SPIN1: variants seen among roughly 807,000 people sequenced by gnomAD.
SPIN1 encodes the protein spindlin-1.
A neutral mutation model predicts 26.0 loss-of-function variants in SPIN1; 3 were observed. The ratio of observed to expected loss-of-function variants is 0.12; its 90% CI spans 0.05 to 0.30. The LOEUF (loss-of-function observed/expected upper bound fraction) is 0.30. SPIN1 is among the 10% of genes least tolerant of loss of function. The pLI is 1.00. For missense variants in SPIN1, 126 were observed against 333.4 expected (o/e 0.38, Z 4.84); for synonymous variants, 101 against 116.5 (o/e 0.87, Z 0.86).
chr9:88,392,889 C>T (rs1216197039), intron 1 of SPIN1, among the ~76,000 whole-genome samples: 1 of 152,036 alleles, frequency 6.6e-6, no homozygotes, highest in Non-Finnish European at 1.5e-5. Context: ...TTGGGGGCCA[C>T]CTTTTAAATT....
intron 3 of SPIN1, among the ~76,000 whole-genome samples, chr9:88,460,353 A>G (rs1341971264): frequency 1.1e-4 from 16 of 151,930 alleles, no homozygotes; most frequent in Admixed American, 1.0e-3. Context: ...CAAATTATTG[A>G]TTCTTTACTT....
chr9:88,407,869 T>C (rs1014437620), intron 1 of SPIN1, among the ~76,000 whole-genome samples: 1 of 151,508 alleles, frequency 6.6e-6, no homozygotes, highest in Non-Finnish European at 1.5e-5. Flanking sequence ...CAAATGATCC[T>C]CCTACCTCAG....
chr9:88,409,670 C>A (rs1827395144), intron 1 of SPIN1, among the ~76,000 whole-genome samples: 1 of 151,180 alleles, frequency 6.6e-6, no homozygotes, highest in Admixed American at 6.6e-5. Flanking sequence ...CCTGTCTCTA[C>A]TAAAATACAA....
intron 3 of SPIN1, among the ~76,000 whole-genome samples, chr9:88,458,437 CTCAA>C (rs1828515787): frequency 6.6e-6 from 1 of 152,112 alleles, no homozygotes; most frequent in Non-Finnish European, 1.5e-5. Flanking sequence ...TTGTATAATG[CTCAA>C]GAGGGAGGAG....
Position 88,468,782 on chromosome 9 carries a change from A to G in SPIN1, c.589+177A>G, listed in dbSNP as rs1328630507. Among the ~76,000 whole-genome samples the G allele has an allele frequency of 6.6e-5, 10 of 152,274 alleles. No individual in the cohort carries two copies. The East Asian group carries it at 1.7e-3, about 26-fold the overall frequency. On this transcript the variant is annotated intron_variant, in intron 5 of 5. Coordinates refer to ENST00000375859, the MANE Select transcript of SPIN1 (RefSeq NM_006717.3). The stretch of plus-strand genomic sequence containing the variant: ...ATCCAGTTGTTATAAATGTTAGATA[A>G]GAAAATATTTGATAGTCAGTTCTGC...
intron 2 of SPIN1, among the ~76,000 whole-genome samples, chr9:88,444,387 C>A (rs942458088): frequency 1.3e-5 from 2 of 149,878 alleles, no homozygotes; most frequent in East Asian, 4.1e-4. Flanking sequence ...ACTACAGGCA[C>A]CTGCCACTAT....
In SPIN1 at chr9:88,412,973, C is replaced by T. The variant is rs966152421; in HGVS notation, c.-158-13409C>T. On this transcript the variant is annotated intron_variant, in intron 1 of 5. Coordinates refer to ENST00000375859, the MANE Select transcript of SPIN1 (RefSeq NM_006717.3). ...CTGGGATTACAGGCGTGAGCCACCGCGCCTGGCCTCTTTGTCAGTAATTTA... is the reference window on the plus strand; with the variant it reads ...CTGGGATTACAGGCGTGAGCCACCGTGCCTGGCCTCTTTGTCAGTAATTTA... Among the ~76,000 whole-genome samples, 88 of 151,746 alleles carry T rather than the reference C, an allele frequency of 5.8e-4. 1 individual carries two copies. Among genetic ancestry groups the T allele is most frequent in the Middle Eastern group, 3.4e-3 (1 of 290 alleles).
intron 2 of SPIN1, among the ~76,000 whole-genome samples, chr9:88,437,205 AAG>A (rs1828020186): frequency 6.6e-6 from 1 of 152,008 alleles, no homozygotes; most frequent in African/African-American, 2.4e-5. Flanking sequence ...GTTTTGAATA[AAG>A]CTGCTATAGG....
chr9:88,467,622 G>GT, intron 4 of SPIN1, among the ~76,000 whole-genome samples: 1 of 152,144 alleles, frequency 6.6e-6, no homozygotes, highest in East Asian at 1.9e-4. Flanking sequence ...GGGCAGAGGC[G>GT]TGAAGGCTTT....
intron 2 of SPIN1, among the ~76,000 whole-genome samples, chr9:88,438,167 T>C (rs1450035607): frequency 6.6e-6 from 1 of 151,984 alleles, no homozygotes; most frequent in East Asian, 1.9e-4. Flanking sequence ...AAAAAAAAGA[T>C]TTTTAATTGC....
chr9:88,449,171 T>C (rs1436792181), intron 3 of SPIN1, among the ~76,000 whole-genome samples, 182 bp downstream of exon 3: 6 of 151,882 alleles, frequency 4.0e-5, no homozygotes, highest in African/African-American at 7.3e-5. Flanking sequence ...CCCCTTGGCC[T>C]GGCTGCAGTG....
intron 1 of SPIN1, among the ~76,000 whole-genome samples, chr9:88,393,482 G>T (rs546924676): frequency 2.4e-3 from 272 of 113,576 alleles, no homozygotes; most frequent in Non-Finnish European, 3.9e-3. Context: ...TTGAGACGGA[G>T]TCTCCCTCTG....
At position 88,410,660 on chromosome 9, in the gene SPIN1, C is replaced by T. The variant is rs868364290; in HGVS notation, c.-158-15722C>T. ...CCAGAGCTTCTGCCTCCAAAGTTTC[C>T]TTCCTTCGTGGGTCCAAAATTTGAA... On this transcript the variant is annotated intron_variant, in intron 1 of 5. Transcript: ENST00000375859. 4.7e-5 allele frequency: 59 copies of T among 1,258,034 alleles called. No individual in the cohort carries two copies. The Middle Eastern group carries it at 2.1e-3, about 45-fold the overall frequency. 77.9% of individuals were successfully genotyped at this position (1,258,034 alleles called of 1,614,324 possible). A position where few individuals can be genotyped will look rare whatever the true frequency, so the allele number is the denominator to read the frequency against.
intron 5 of SPIN1, among the ~76,000 whole-genome samples, chr9:88,474,317 T>G (rs760495753): frequency 1.3e-4 from 20 of 152,132 alleles, no homozygotes; most frequent in Non-Finnish European, 4.4e-5. Flanking sequence ...TTTTTTGTTG[T>G]TGGTGGTGAT....
chr9:88,445,873 A>C (rs7857254), intron 2 of SPIN1, among the ~76,000 whole-genome samples: 29,223 of 152,094 alleles, frequency 0.19, 3,703 homozygotes, highest in African/African-American at 0.36. Context: ...TATGTATCTG[A>C]GTGAATATTT....
At chr9:88,417,979 G>T (rs941756085) in intron 1 of SPIN1, among the ~76,000 whole-genome samples, 3 of 152,234 alleles carry the variant, frequency 2.0e-5, no homozygotes, top group African/African-American at 7.2e-5. Context: ...AAGAAGGAGT[G>T]TGGAACTCCC....
chr9:88,437,225 T>C (rs1466491818), intron 2 of SPIN1, among the ~76,000 whole-genome samples: 1 of 151,564 alleles, frequency 6.6e-6, no homozygotes, highest in South Asian at 2.1e-4. Context: ...AGGCCGGGGG[T>C]GGTGGCTCAC....
At chr9:88,454,309 T>G (rs1226197616) in intron 3 of SPIN1, among the ~76,000 whole-genome samples, 3 of 152,344 alleles carry the variant, frequency 2.0e-5, no homozygotes, top group East Asian at 3.9e-4. Flanking sequence ...AGAACCTTCA[T>G]TTTAAATCAC....
Position 88,470,017 on chromosome 9 carries a change from C to T in SPIN1, c.589+1412C>T, listed in dbSNP as rs539900041. On this transcript the variant is annotated intron_variant, in intron 5 of 5. Transcript: ENST00000375859. The stretch of plus-strand genomic sequence containing the variant: ...CCCTGGCCTTAAGCAACCAGTAATA[C>T]TTGCTGTGTAAATTTCCCTGTTGTG... Among the ~76,000 whole-genome samples, 7 of 152,184 alleles carry T rather than the reference C, an allele frequency of 4.6e-5. 1 individual carries two copies. The South Asian group carries it at 1.5e-3, about 32-fold the overall frequency.
Sources: allele counts gnomAD v4.1 joint callset (sites outside exome capture counted in the v4.1 genomes callset), GRCh38; gene constraint gnomAD v4.1.1; transcripts MANE v1.5; gene names NCBI Gene and HGNC (gene_info 2026-07-23, HGNC 2026-07-21).